The following DST variants were observed in gnomAD, a reference collection of about 807,000 sequenced individuals.
DST encodes the protein bullous pemphigoid antigen.
Under a neutral mutation model 875.2 loss-of-function variants are expected in DST, and 253 were observed. The ratio of observed to expected loss-of-function variants is 0.29; its 90% CI spans 0.26 to 0.32. DST has a LOEUF of 0.32. Among genes scored for constraint, DST ranks in the 10% least tolerant of loss-of-function variants. DST has a pLI of 1.00. For synonymous variants in DST, 3,124 were observed against 3,197.1 expected (o/e 0.98, Z 0.77); for missense variants, 8,287 against 9,111.6 (o/e 0.91, Z 3.68).
chr6:56,915,572 A>G (rs1044287837), intron 2 of DST, among the ~76,000 whole-genome samples: 1 of 151,920 alleles, frequency 6.6e-6, no homozygotes, highest in Non-Finnish European at 1.5e-5. Context: ...CAGGGACAGA[A>G]AAAAAGGTAA....
intron 100 of DST, chr6:56,464,421 T>A: frequency 4.1e-6 from 2 of 492,564 alleles, no homozygotes; most frequent in Non-Finnish European, 7.2e-6. Context: ...TACAAACACA[T>A]ACGCACACGG....
intron 23 of DST, 152 bp from the exon 24 acceptor site, chr6:56,635,866 G>C: frequency 1.3e-6 from 1 of 791,428 alleles, no homozygotes; most frequent in East Asian, 2.6e-5. Flanking sequence ...TCTTTCCTTG[G>C]ACCAAAGAAT....
At chr6:56,570,662 C>T (rs1456496933) in intron 53 of DST, among the ~76,000 whole-genome samples, 1 of 152,104 alleles carries the variant, frequency 6.6e-6, no homozygotes, top group African/African-American at 2.4e-5. Flanking sequence ...CCAGTAGATA[C>T]CTCAGGGGTT....
rs190294419 is a variant in DST at position 56,896,442 on chromosome 6, G to A, written c.417+3979C>T. Among the ~76,000 whole-genome samples the A allele has an allele frequency of 6.5e-4, 99 of 152,146 alleles. No individual in the cohort carries two copies. In the East Asian group the frequency reaches 0.015, roughly 23 times the overall value. On this transcript the variant is annotated intron_variant, in intron 3 of 103. Transcript: ENST00000680361. ...TTAAGAAGTGCCTTTCACCTCCCAC[G>A]ATTCTGAGGCCTCCCCAGCCATGTG...
chr6:56,770,184 T>C (rs1327287996), intron 4 of DST, among the ~76,000 whole-genome samples: 1 of 152,118 alleles, frequency 6.6e-6, no homozygotes, highest in Non-Finnish European at 1.5e-5. Flanking sequence ...AATGATGCAA[T>C]AGTAACCAGG....
intron 12 of DST, among the ~76,000 whole-genome samples, chr6:56,650,638 G>A (rs1049308035): frequency 1.3e-5 from 2 of 152,086 alleles, no homozygotes; most frequent in Non-Finnish European, 2.9e-5. Context: ...AGCTAAAAAT[G>A]GAAAACTCTA....
chr6:56,536,746 G>C (rs1341082083), intron 62 of DST, 33 bp downstream of exon 62: 5 of 1,489,542 alleles, frequency 3.4e-6, no homozygotes, highest in Non-Finnish European at 4.5e-6. Context: ...ATAATAATCA[G>C]CAAAATAGCA....
At chr6:56,818,741 C>T (rs1034195353) in intron 4 of DST, among the ~76,000 whole-genome samples, 2 of 152,082 alleles carry the variant, frequency 1.3e-5, no homozygotes, top group African/African-American at 4.8e-5. Flanking sequence ...TTCTGGAACA[C>T]AGAAAAGGGT....
intron 34 of DST, among the ~76,000 whole-genome samples, chr6:56,626,577 T>G (rs1036846741): frequency 1.3e-5 from 2 of 152,102 alleles, no homozygotes; most frequent in Admixed American, 6.6e-5. Flanking sequence ...AAAAATCACC[T>G]AACAACGCAT....
chr6:56,627,164 C>A, intron 34 of DST, 40 bp downstream of exon 34: 1 of 1,424,604 alleles, frequency 7.0e-7, no homozygotes, highest in Non-Finnish European at 9.9e-7. Flanking sequence ...AATCACAAAC[C>A]TGAATATTAA....
intron 2 of DST, among the ~76,000 whole-genome samples, chr6:56,934,560 T>TTTA (rs869186436): frequency 1.9e-5 from 2 of 106,486 alleles, no homozygotes; most frequent in African/African-American, 7.1e-5. Context: ...ATATATTATA[T>TTTA]TATATATATA....
At chr6:56,585,505 C>T (rs2152666595) in intron 49 of DST, among the ~76,000 whole-genome samples, 1 of 152,052 alleles carries the variant, frequency 6.6e-6, no homozygotes, top group Non-Finnish European at 1.5e-5. Flanking sequence ...ATTAGTCTTG[C>T]TAGCAGTCTA....
Position 56,553,690 on chromosome 6 carries a change from A to T in DST, c.15137-35T>A, listed in dbSNP as rs747647518. On this transcript the variant is annotated intron_variant, in intron 60 of 103. Transcript: ENST00000680361. ...AAATTACAAGATATGTTTATTTTACATCAAAATGTTAATTTAATCTATGAA... is the reference window on the plus strand; with the variant it reads ...AAATTACAAGATATGTTTATTTTACTTCAAAATGTTAATTTAATCTATGAA... The T allele has an allele frequency of 7.7e-6, 12 of 1,561,678 alleles. No individual in the cohort carries two copies. The African/African-American group carries it at 1.5e-4, about 20-fold the overall frequency.
intron 9 of DST, among the ~76,000 whole-genome samples, chr6:56,693,998 A>G (rs2152863473): frequency 6.6e-6 from 1 of 150,912 alleles, no homozygotes; most frequent in South Asian, 2.1e-4. Flanking sequence ...TATATAATTT[A>G]AAGCATGAAA....
chr6:56,796,621 G>A, intron 4 of DST, among the ~76,000 whole-genome samples: 1 of 152,114 alleles, frequency 6.6e-6, no homozygotes, highest in South Asian at 2.1e-4. Context: ...GGTTGGGAGT[G>A]GTGGGGGTGA....
At chr6:56,563,864 T>G (rs1307438822) in intron 55 of DST, among the ~76,000 whole-genome samples, 2 of 152,204 alleles carry the variant, frequency 1.3e-5, no homozygotes, top group Non-Finnish European at 2.9e-5. Context: ...TTTGTCAGAT[T>G]TGTCAAAGAT....
At position 56,634,338 on chromosome 6, in the gene DST, A is replaced by G. The variant is rs150050334; in HGVS notation, c.3495-80T>C. ...ACTGCAATTTTTCTTTTTGTGTGAAATATTCCACGGATGAGTTCTAGAGAC... is the reference window on the plus strand; with the variant it reads ...ACTGCAATTTTTCTTTTTGTGTGAAGTATTCCACGGATGAGTTCTAGAGAC... On this transcript the variant is annotated intron_variant, in intron 26 of 103. Transcript: ENST00000680361. 7,948 of 1,609,480 alleles carry G rather than the reference A, an allele frequency of 4.9e-3. 38 individuals are homozygous for G. The highest frequency in any genetic ancestry group is 6.8e-3 in the South Asian group (620 of 90,930).
chr6:56,622,562 T>C (rs1387717064), intron 36 of DST, among the ~76,000 whole-genome samples: 2 of 91,224 alleles, frequency 2.2e-5, no homozygotes, highest in African/African-American at 1.0e-4. Context: ...GCAACAGAGA[T>C]CCGTCTCAAA....
intron 4 of DST, among the ~76,000 whole-genome samples, chr6:56,782,687 T>C (rs939765511): frequency 6.6e-6 from 1 of 152,178 alleles, no homozygotes; most frequent in Non-Finnish European, 1.5e-5. Flanking sequence ...CCTGGATTCA[T>C]TAATTTTTTG....
Sources: allele counts gnomAD v4.1 joint callset (sites outside exome capture counted in the v4.1 genomes callset), GRCh38; gene constraint gnomAD v4.1.1; transcripts MANE v1.5; gene names NCBI Gene and HGNC (gene_info 2026-07-23, HGNC 2026-07-21).